NEGR1: variants seen among roughly 807,000 people sequenced by gnomAD.
NEGR1 encodes neuronal growth regulator 1.
Under a neutral mutation model 40.9 loss-of-function variants are expected in NEGR1, and 10 were observed. The ratio of observed to expected loss-of-function variants is 0.24; its 90% CI spans 0.15 to 0.42. The LOEUF is 0.42. NEGR1 is among the 10% of genes least tolerant of loss of function. The probability of loss-of-function intolerance (pLI) is 1.00; values close to 1 mark genes in which losing one functional copy is unlikely to be tolerated. For synonymous variants in NEGR1, 185 were observed against 166.8 expected (o/e 1.11, Z -0.84); for missense variants, 352 against 438.9 (o/e 0.80, Z 1.77).
At chr1:72,029,013 C>T (rs1180297347) in intron 1 of NEGR1, among the ~76,000 whole-genome samples, 4 of 152,056 alleles carry the variant, frequency 2.6e-5, no homozygotes, top group South Asian at 2.1e-4. Context: ...ATCTAAAACG[C>T]TAAAGGAAAA....
At chr1:72,110,621 GC>G (rs1649324069) in intron 1 of NEGR1, among the ~76,000 whole-genome samples, 1 of 151,552 alleles carries the variant, frequency 6.6e-6, no homozygotes, top group Non-Finnish European at 1.5e-5. Context: ...CTCTAAAAGA[GC>G]TATGTAATTA....
intron 1 of NEGR1, among the ~76,000 whole-genome samples, chr1:71,942,242 G>A (rs1645965813): frequency 6.7e-6 from 1 of 148,610 alleles, no homozygotes; most frequent in Admixed American, 6.8e-5. Context: ...TTGATTATAA[G>A]ACCAAATCCT....
At chr1:71,829,203 C>A (rs796266211) in intron 2 of NEGR1, among the ~76,000 whole-genome samples, 17 of 151,898 alleles carry the variant, frequency 1.1e-4, no homozygotes, top group African/African-American at 3.9e-4. Context: ...AAATCCTCAA[C>A]GTTTTTTGTT....
intron 1 of NEGR1, among the ~76,000 whole-genome samples, chr1:72,048,236 A>G (rs1040430109): frequency 1.3e-5 from 2 of 151,578 alleles, no homozygotes; most frequent in African/African-American, 4.8e-5. Flanking sequence ...CTTAATTCCC[A>G]TGGAACTCTT....
At chr1:71,604,215 T>C (rs543936412) in intron 5 of NEGR1, among the ~76,000 whole-genome samples, 4 of 152,272 alleles carry the variant, frequency 2.6e-5, no homozygotes, top group Admixed American at 1.3e-4. Flanking sequence ...GGCTTAAGAA[T>C]TGACTCTATG....
intron 1 of NEGR1, among the ~76,000 whole-genome samples, chr1:72,093,405 T>G (rs1648572455): frequency 6.6e-6 from 1 of 150,796 alleles, no homozygotes; most frequent in Admixed American, 6.6e-5. Context: ...CAATTTCACA[T>G]ACAAATATTC....
chr1:71,978,580 C>T (rs1040446918), intron 1 of NEGR1, among the ~76,000 whole-genome samples: 3 of 152,054 alleles, frequency 2.0e-5, no homozygotes, highest in African/African-American at 7.2e-5. Context: ...GGAAGACATA[C>T]ATGTGGCATC....
intron 1 of NEGR1, among the ~76,000 whole-genome samples, chr1:72,268,406 G>A (rs1334041705): frequency 6.6e-6 from 1 of 151,436 alleles, no homozygotes; most frequent in Non-Finnish European, 1.5e-5. Context: ...TGAGCTAAGA[G>A]TTAGTGAAGC....
rs185599526 is a variant in NEGR1, at chr1:71,450,201, G to T, written c.941-42631C>A. 4.8e-3 allele frequency among the ~76,000 whole-genome samples: 721 copies of T among 151,678 alleles called. 6 individuals are homozygous for T. Among genetic ancestry groups the T allele is most frequent in the African/African-American group, 0.016 (651 of 41,374 alleles). ...AGACGGGGTTTCACCATGTTGGTTA[G>T]GTTTGTCTCAAACTCCTGACCTCTT... On this transcript the variant is annotated intron_variant, in intron 6 of 6. Transcript: ENST00000357731.
intron 1 of NEGR1, among the ~76,000 whole-genome samples, chr1:72,276,390 C>T (rs571173851): frequency 1.3e-5 from 2 of 152,156 alleles, no homozygotes; most frequent in South Asian, 4.1e-4. Context: ...ATTGTCTTAG[C>T]ATTCTGATCA....
At chr1:72,040,010 CG>C (rs1646937843) in intron 1 of NEGR1, among the ~76,000 whole-genome samples, 1 of 151,892 alleles carries the variant, frequency 6.6e-6, no homozygotes, top group Non-Finnish European at 1.5e-5. Flanking sequence ...ATAAAAAATA[CG>C]TGTCTAATGT....
chr1:71,590,071 T>G (rs1649447425), intron 6 of NEGR1, among the ~76,000 whole-genome samples: 1 of 152,146 alleles, frequency 6.6e-6, no homozygotes, highest in Non-Finnish European at 1.5e-5. Flanking sequence ...CCTCTCTCTT[T>G]CTTCCATCAC....
At chr1:72,007,816 A>T (rs1646621117) in intron 1 of NEGR1, among the ~76,000 whole-genome samples, 1 of 152,136 alleles carries the variant, frequency 6.6e-6, no homozygotes, top group African/African-American at 2.4e-5. Context: ...TTCTTTATTC[A>T]TTAAGTACAT....
chr1:72,040,577 C>CAAAAAAAAAAAAAAAAAAAAA (rs5775102), intron 1 of NEGR1, among the ~76,000 whole-genome samples: 7 of 29,704 alleles, frequency 2.4e-4, no homozygotes, highest in Admixed American at 6.3e-4. Flanking sequence ...GAGCACTGAC[C>CAAAAAAAAAAAAAAAAAAAAA]AAAAAAAAAA....
At chr1:71,588,243 A>G (rs1415863446) in intron 6 of NEGR1, among the ~76,000 whole-genome samples, 1 of 152,138 alleles carries the variant, frequency 6.6e-6, no homozygotes, top group Non-Finnish European at 1.5e-5. Flanking sequence ...GAAGCAAAAA[A>G]CGCACTGAAA....
At chr1:72,133,888 T>C (rs955538525) in intron 1 of NEGR1, among the ~76,000 whole-genome samples, 28 of 151,934 alleles carry the variant, frequency 1.8e-4, no homozygotes, top group Non-Finnish European at 2.5e-4. Context: ...TACTATTCAA[T>C]GTTTGCATAT....
chr1:71,424,683 G>T (rs1646418546), intron 6 of NEGR1, among the ~76,000 whole-genome samples: 1 of 152,158 alleles, frequency 6.6e-6, no homozygotes, highest in Admixed American at 6.6e-5. Context: ...CCTTGCTGTT[G>T]CTGGCTTCAA....
intron 1 of NEGR1, among the ~76,000 whole-genome samples, chr1:72,089,836 A>G (rs1648392087): frequency 6.6e-6 from 1 of 152,106 alleles, no homozygotes; most frequent in South Asian, 2.1e-4. Context: ...TCAGTGATTA[A>G]TTTTAAATTT....
intron 3 of NEGR1, among the ~76,000 whole-genome samples, chr1:71,734,529 A>G (rs1475290763): frequency 6.6e-6 from 1 of 152,060 alleles, no homozygotes; most frequent in African/African-American, 2.4e-5. Context: ...TCTTTCTCCT[A>G]TGTTAATAAC....
Sources: allele counts gnomAD v4.1 joint callset (sites outside exome capture counted in the v4.1 genomes callset), GRCh38; gene constraint gnomAD v4.1.1; transcripts MANE v1.5; gene names NCBI Gene and HGNC (gene_info 2026-07-23, HGNC 2026-07-21).